The following RBFOX3 variants were observed in gnomAD, a reference collection of about 807,000 sequenced individuals.
RBFOX3 encodes RNA binding protein fox-1 homolog 3.
A neutral mutation model predicts 48.7 loss-of-function variants in RBFOX3; 17 were observed. The ratio of observed to expected loss-of-function variants is 0.35; its 90% CI spans 0.24 to 0.52. RBFOX3 has a LOEUF of 0.52. Among genes scored for constraint, RBFOX3 ranks in the 20% least tolerant of loss-of-function variants. The pLI is 0.94. For missense variants in RBFOX3, 382 were observed against 497.5 expected (o/e 0.77, Z 2.21); for synonymous variants, 212 against 209.5 (o/e 1.01, Z -0.10).
At chr17:79,257,632 G>T (rs2065097320) in intron 3 of RBFOX3, among the ~76,000 whole-genome samples, 1 of 152,172 alleles carries the variant, frequency 6.6e-6, no homozygotes, top group Non-Finnish European at 1.5e-5. Flanking sequence ...CCAGGATGGA[G>T]TGCTGTGGTG....
chr17:79,173,666 G>C (rs529690565), intron 4 of RBFOX3, among the ~76,000 whole-genome samples: 4 of 152,138 alleles, frequency 2.6e-5, no homozygotes, highest in African/African-American at 9.7e-5. Context: ...ACCCCATCCC[G>C]TCCGCTCACT....
At chr17:79,571,896 C>T (rs921339319) in intron 1 of RBFOX3, among the ~76,000 whole-genome samples, 5 of 152,122 alleles carry the variant, frequency 3.3e-5, no homozygotes, top group African/African-American at 4.8e-5. Context: ...ATGAGCACCC[C>T]GGGTGTGGCC....
chr17:79,467,853 T>G (rs1842532958), intron 2 of RBFOX3, among the ~76,000 whole-genome samples: 1 of 151,962 alleles, frequency 6.6e-6, no homozygotes, highest in African/African-American at 2.4e-5. Context: ...TCCGGGAAGT[T>G]GGCCTCCTCC....
Position 79,471,247 on chromosome 17 carries a change from A to G in RBFOX3, c.-175+11207T>C, listed in dbSNP as rs1405197186. Among the ~76,000 whole-genome samples the G allele has an allele frequency of 6.6e-6, 1 of 152,184 alleles. No individual in the cohort carries two copies. The highest frequency in any genetic ancestry group is 1.5e-5 in the Non-Finnish European group (1 of 68,046). On this transcript the variant is annotated intron_variant, in intron 2 of 14. Transcript: ENST00000693108. The surrounding 1 kb of genome is among the most constrained non-coding windows in gnomAD (Gnocchi z 4.0). ...AAGCAGCCATCGTGGCTCTCAGCTC[A>G]TGGAAAGCGGGGTACGTGACCAGCA...
chr17:79,459,131 C>T (rs1555747068), intron 2 of RBFOX3, among the ~76,000 whole-genome samples: 2 of 152,204 alleles, frequency 1.3e-5, no homozygotes, highest in Non-Finnish European at 2.9e-5. Context: ...GCCTGCTGCT[C>T]CCAAGAGTAG....
At chr17:79,171,285 C>A (rs148539020) in intron 4 of RBFOX3, among the ~76,000 whole-genome samples, 1 of 152,234 alleles carries the variant, frequency 6.6e-6, no homozygotes, top group Non-Finnish European at 1.5e-5. Flanking sequence ...TTTGCAGATG[C>A]GGCTGTTAGG....
intron 2 of RBFOX3, among the ~76,000 whole-genome samples, chr17:79,383,432 T>C (rs1233518214): frequency 6.6e-6 from 1 of 152,254 alleles, no homozygotes; most frequent in Non-Finnish European, 1.5e-5. Flanking sequence ...GCACAGAGAC[T>C]TGTTTGATCA....
At chr17:79,181,978 CA>C (rs2052064832) in intron 4 of RBFOX3, among the ~76,000 whole-genome samples, 1 of 117,216 alleles carries the variant, frequency 8.5e-6, no homozygotes, top group Non-Finnish European at 2.1e-5. Flanking sequence ...CACACACACA[CA>C]CACACACACA....
chr17:79,147,319 G>A (rs908202486), intron 4 of RBFOX3, among the ~76,000 whole-genome samples: 1 of 152,210 alleles, frequency 6.6e-6, no homozygotes, highest in African/African-American at 2.4e-5. Flanking sequence ...CCAGCCCTAC[G>A]CAGCCCATTT....
rs73425322 is a variant in RBFOX3 at position 79,386,720 on chromosome 17, G to T, written c.-174-78896C>A. 2.5e-3 allele frequency among the ~76,000 whole-genome samples: 375 copies of T among 152,296 alleles called. 2 individuals are homozygous for T. The highest frequency in any genetic ancestry group is 8.7e-3 in the African/African-American group (362 of 41,552). ...CCCGCTGTTCCCTGCAGCCCTTGGG[G>T]TCCAGCCCCTCCAGGCTACCCGGCC... is the stretch of plus-strand genomic sequence containing the variant. On this transcript the variant is annotated intron_variant, in intron 2 of 14. Transcript: ENST00000693108.
chr17:79,596,504 G>A (rs891543655), intron 1 of RBFOX3, among the ~76,000 whole-genome samples: 3 of 152,066 alleles, frequency 2.0e-5, no homozygotes, highest in Admixed American at 6.6e-5. Context: ...ACCAAGGCAC[G>A]GAAACCCACC....
intron 4 of RBFOX3, among the ~76,000 whole-genome samples, chr17:79,221,112 GC>G (rs2059676025): frequency 6.6e-6 from 1 of 152,236 alleles, no homozygotes; most frequent in Non-Finnish European, 1.5e-5. Context: ...CTGCCGAAAA[GC>G]CGATGCCGGC....
At chr17:79,289,686 C>T (rs2072836568) in intron 3 of RBFOX3, among the ~76,000 whole-genome samples, 1 of 152,360 alleles carries the variant, frequency 6.6e-6, no homozygotes, top group Admixed American at 6.5e-5. Flanking sequence ...GCTTCCTGCA[C>T]TCAAAGCTGC....
chr17:79,172,624 C>G (rs998703521), intron 4 of RBFOX3, among the ~76,000 whole-genome samples: 2 of 152,208 alleles, frequency 1.3e-5, no homozygotes, highest in African/African-American at 4.8e-5. Flanking sequence ...GAGGGAGTAT[C>G]AGAGCCCTAG....
At chr17:79,104,764 G>A (rs537047945) in intron 6 of RBFOX3, among the ~76,000 whole-genome samples, 1 of 152,240 alleles carries the variant, frequency 6.6e-6, no homozygotes, top group Admixed American at 6.5e-5. Context: ...GTTGGGAAAT[G>A]GGACCCTCAG....
chr17:79,512,262 G>A (rs1027450034), intron 1 of RBFOX3, among the ~76,000 whole-genome samples: 14 of 139,070 alleles, frequency 1.0e-4, no homozygotes, highest in African/African-American at 3.7e-4. Context: ...ATAGCCAGGG[G>A]ATATACACCC....
At chr17:79,575,164 C>A (rs928977622) in intron 1 of RBFOX3, among the ~76,000 whole-genome samples, 3 of 152,228 alleles carry the variant, frequency 2.0e-5, no homozygotes, top group Non-Finnish European at 2.9e-5. Context: ...AACCCCTGAT[C>A]TAAGAGGAAA....
upstream of RBFOX3, among the ~76,000 whole-genome samples, chr17:79,614,896 T>C: frequency 6.6e-6 from 1 of 152,076 alleles, no homozygotes; most frequent in East Asian, 1.9e-4. Context: ...AAAGGAATTC[T>C]AACCCCGACC....
At chr17:79,499,074 A>T (rs1487871484) in intron 1 of RBFOX3, among the ~76,000 whole-genome samples, 2 of 149,740 alleles carry the variant, frequency 1.3e-5, no homozygotes, top group Non-Finnish European at 3.0e-5. Flanking sequence ...CTACCCATCC[A>T]TGTACTCACT....
Sources: gnomAD v4.1 joint callset for allele counts (sites outside exome capture counted in the v4.1 genomes callset) on GRCh38, gnomAD v4.1.1 for gene constraint, Gnocchi (gnomAD v3.1) non-coding constraint, MANE v1.5 for transcripts, NCBI Gene and HGNC (gene_info 2026-07-23, HGNC 2026-07-21) for gene names.